Variants in CNTNAP2 observed in about 807,000 individuals in gnomAD.
CNTNAP2 encodes the protein contactin-associated protein-like 2.
CNTNAP2 carries 98 observed loss-of-function variants against 155.2 expected under a neutral mutation model. That is an observed-to-expected ratio of 0.63 (90% CI 0.54 to 0.75). CNTNAP2 has a LOEUF of 0.75. Among genes scored for constraint, CNTNAP2 ranks in the 30% least tolerant of loss-of-function variants. The probability of loss-of-function intolerance (pLI) is 0.00; values close to 1 mark genes in which losing one functional copy is unlikely to be tolerated. For missense variants in CNTNAP2, 1,727 were observed against 1,688.1 expected (o/e 1.02, Z -0.40); for synonymous variants, 651 against 631.2 (o/e 1.03, Z -0.47).
rs183111907 is a variant in CNTNAP2 at position 146,163,778 on chromosome 7, A to C, written c.97+46805A>C. Among the ~76,000 whole-genome samples, 463 of 152,032 alleles carry C rather than the reference A, an allele frequency of 3.0e-3. 2 individuals are homozygous for C. The highest frequency in any genetic ancestry group is 5.2e-3 in the Non-Finnish European group (354 of 68,008). On this transcript the variant is annotated intron_variant, in intron 1 of 23. Coordinates refer to ENST00000361727, the MANE Select transcript of CNTNAP2 (RefSeq NM_014141.6). ...AAAGGTTGTTTTAAGTGTGTTTGTA[A>C]GGAAGAGGGCAGACAAAAGAAAGAG...
intron 3 of CNTNAP2, among the ~76,000 whole-genome samples, chr7:146,874,585 C>A (rs1237569791): frequency 2.0e-5 from 3 of 152,102 alleles, no homozygotes; most frequent in Admixed American, 6.6e-5. Context: ...GTGATCCGCC[C>A]ACCGTGGCCT....
intron 8 of CNTNAP2, among the ~76,000 whole-genome samples, chr7:147,133,025 A>AT (rs1238880689): frequency 2.0e-5 from 3 of 152,268 alleles, no homozygotes; most frequent in Middle Eastern, 3.4e-3. Flanking sequence ...TAAAGGTGGA[A>AT]TGACAAGATT....
chr7:147,909,186 C>T (rs563528296), intron 14 of CNTNAP2, among the ~76,000 whole-genome samples: 49 of 152,252 alleles, frequency 3.2e-4, no homozygotes, highest in African/African-American at 1.0e-3. Context: ...ACCAAAGACA[C>T]ACATCTCCAA....
rs116480327 is a variant in CNTNAP2, at chr7:146,628,687, T to C, written c.98-145584T>C. On this transcript the variant is annotated intron_variant, in intron 1 of 23. Transcript: ENST00000361727. ...GAGCACTTTAGAGAGAGTAGAACTT[T>C]CCTGTTACATTCATAGGATAGTATT... Among the ~76,000 whole-genome samples the C allele has an allele frequency of 3.8e-3, 576 of 152,210 alleles. 5 individuals are homozygous for C. The highest frequency in any genetic ancestry group is 0.013 in the African/African-American group (556 of 41,540).
intron 2 of CNTNAP2, among the ~76,000 whole-genome samples, chr7:146,788,594 A>G (rs554036709): frequency 1.2e-4 from 18 of 152,264 alleles, no homozygotes; most frequent in African/African-American, 4.3e-4. Flanking sequence ...CACCACATTT[A>G]TATTCCCAAA....
In CNTNAP2 at chr7:147,481,234, T is replaced by A. The variant is rs76223416; in HGVS notation, c.1671-4701T>A. 3.4e-4 allele frequency among the ~76,000 whole-genome samples: 52 copies of A among 152,366 alleles called. No homozygotes were observed. The East Asian group carries it at 9.1e-3, about 27-fold the overall frequency. On this transcript the variant is annotated intron_variant, in intron 10 of 23. Transcript: ENST00000361727. ...TGATGATTACCAAGGCATACAGTTA[T>A]GCTGTCAGGCTAACATTTTTTAGAT...
chr7:146,786,990 G>A (rs1160754316), intron 2 of CNTNAP2: 1 of 152,182 alleles, frequency 6.6e-6, no homozygotes, highest in Admixed American at 6.5e-5. Flanking sequence ...TGCATTACAA[G>A]GTTTGTGCCT....
At position 146,146,219 on chromosome 7, in the gene CNTNAP2, G is replaced by T. The variant is rs934744214; in HGVS notation, c.97+29246G>T. Among the ~76,000 whole-genome samples, 4 of 152,128 alleles carry T rather than the reference G, an allele frequency of 2.6e-5. No homozygotes were observed. The East Asian group carries it at 7.7e-4, about 29-fold the overall frequency. ...AATATTTTTTACACTTGGACTAAAT[G>T]TTCAGATGATTTTTATTATGCAAAC... On this transcript the variant is annotated intron_variant, in intron 1 of 23. Coordinates refer to ENST00000361727, the MANE Select transcript of CNTNAP2 (RefSeq NM_014141.6).
intron 13 of CNTNAP2, among the ~76,000 whole-genome samples, chr7:147,749,113 A>T (rs576081003): frequency 6.6e-6 from 1 of 152,340 alleles, no homozygotes; most frequent in Admixed American, 6.5e-5. Flanking sequence ...AAGAATGATA[A>T]AAGTCAAAAG....
At position 146,633,832 on chromosome 7, in the gene CNTNAP2, GAAAAAAAAAA is replaced by G. The variant is rs60993956; in HGVS notation, c.98-140424_98-140415del. The stretch of plus-strand genomic sequence containing the variant: ...GCAACAGAGCGAGACTGCATCTAGA[GAAAAAAAAAA>G]AAAAAAAAAAAAAACAGAAACGTCT... On this transcript the variant is annotated intron_variant, in intron 1 of 23. Transcript: ENST00000361727. Among the ~76,000 whole-genome samples, 206 of 79,036 alleles carry G rather than the reference GAAAAAAAAAA, an allele frequency of 2.6e-3. 2 individuals are homozygous for G. The highest frequency in any genetic ancestry group is 0.012 in the African/African-American group (194 of 16,632). The allele number at this position is 79,036 out of a possible 152,430, so 51.9% of individuals were successfully genotyped here. A position where few individuals can be genotyped will look rare whatever the true frequency, so the allele number is the denominator to read the frequency against.
intron 15 of CNTNAP2, among the ~76,000 whole-genome samples, chr7:148,116,527 C>T (rs1279997823): frequency 6.6e-6 from 1 of 152,172 alleles, no homozygotes; most frequent in Non-Finnish European, 1.5e-5. Flanking sequence ...GCCCAATTCA[C>T]GAATCACTGA....
At chr7:146,428,655 T>G (rs1282830495) in intron 1 of CNTNAP2, among the ~76,000 whole-genome samples, 1 of 152,094 alleles carries the variant, frequency 6.6e-6, no homozygotes, top group Admixed American at 6.6e-5. Context: ...ATTAGACCTT[T>G]GTCAGATGGA....
intron 13 of CNTNAP2, among the ~76,000 whole-genome samples, chr7:147,805,399 A>G (rs2116598205): frequency 6.6e-6 from 1 of 152,284 alleles, no homozygotes; most frequent in Middle Eastern, 3.4e-3. Flanking sequence ...TCCCCTTCCA[A>G]TTTGGATGAG....
chr7:146,377,940 C>T (rs1469436446), intron 1 of CNTNAP2, among the ~76,000 whole-genome samples: 1 of 152,138 alleles, frequency 6.6e-6, no homozygotes, highest in East Asian at 1.9e-4. Context: ...GCTTTCAGTA[C>T]CTCCTACCTC....
At chr7:147,418,374 A>G (rs1797234596) in intron 10 of CNTNAP2, among the ~76,000 whole-genome samples, 1 of 152,206 alleles carries the variant, frequency 6.6e-6, no homozygotes, top group Non-Finnish European at 1.5e-5. Context: ...ATTGACCTTT[A>G]TTCTCCATTT....
Position 146,238,926 on chromosome 7 carries a change from G to A in CNTNAP2, c.97+121953G>A, listed in dbSNP as rs187355451. 4.1e-4 allele frequency among the ~76,000 whole-genome samples: 63 copies of A among 152,272 alleles called. 3 individuals carry two copies. In the East Asian group the frequency reaches 8.9e-3, roughly 22 times the overall value. The stretch of plus-strand genomic sequence containing the variant: ...ACAAGAACAGCATGGGGGAAACCAC[G>A]CCCATGATTCAATTACCTCCACCTG... On this transcript the variant is annotated intron_variant, in intron 1 of 23. Coordinates refer to ENST00000361727, the MANE Select transcript of CNTNAP2 (RefSeq NM_014141.6).
At chr7:147,646,067 C>T (rs962794183) in intron 13 of CNTNAP2, among the ~76,000 whole-genome samples, 7 of 152,110 alleles carry the variant, frequency 4.6e-5, no homozygotes, top group African/African-American at 7.2e-5. Context: ...AGAGTCTGTC[C>T]GCACCAGAGT....
chr7:147,917,096 T>C (rs1289569827), intron 14 of CNTNAP2, among the ~76,000 whole-genome samples: 1 of 152,212 alleles, frequency 6.6e-6, no homozygotes, highest in Non-Finnish European at 1.5e-5. Context: ...CAAAATAACT[T>C]CCAGCCTTAA....
intron 12 of CNTNAP2, among the ~76,000 whole-genome samples, chr7:147,602,582 G>A (rs1007926287): frequency 2.7e-5 from 4 of 150,756 alleles, no homozygotes; most frequent in African/African-American, 9.8e-5. Context: ...CTGGTGTGCT[G>A]CACCCATTAA....
Sources: gnomAD v4.1 joint callset for allele counts (sites outside exome capture counted in the v4.1 genomes callset) on GRCh38, gnomAD v4.1.1 for gene constraint, MANE v1.5 for transcripts, NCBI Gene and HGNC (gene_info 2026-07-23, HGNC 2026-07-21) for gene names.